Variants in MNAT1 observed in about 807,000 individuals in gnomAD.
The protein encoded by MNAT1 is CDK-activating kinase assembly factor MAT1.
A neutral mutation model predicts 42.0 loss-of-function variants in MNAT1; 43 were observed. That is an observed-to-expected ratio of 1.02 (90% confidence interval 0.80 to 1.32). The LOEUF is 1.32. Ranked by LOEUF, MNAT1 falls within the 40% of genes most tolerant of loss-of-function variation. The probability of loss-of-function intolerance (pLI) is 0.00; values close to 1 mark genes in which losing one functional copy is unlikely to be tolerated. For missense variants in MNAT1, 306 were observed against 350.4 expected, an observed-to-expected ratio of 0.87 and a Z score of 1.01; for synonymous variants, 118 against 120.0, an observed-to-expected ratio of 0.98 and a Z score of 0.11.
chr14:60,772,244 G>A (rs1417407212), intron 1 of MNAT1, among the ~76,000 whole-genome samples: 1 of 152,092 alleles, frequency 6.6e-6, no homozygotes, highest in Admixed American at 6.6e-5. Flanking sequence ...CTGGGCAACG[G>A]AGTGAGACCC....
chr14:60,937,505 GT>G (rs1471442454), intron 7 of MNAT1, among the ~76,000 whole-genome samples: 1 of 152,114 alleles, frequency 6.6e-6, no homozygotes, highest in East Asian at 1.9e-4. Context: ...CCCATTTCTT[GT>G]TTTTGTCAGG....
At chr14:60,796,014 C>G (rs2032006386) in intron 1 of MNAT1, among the ~76,000 whole-genome samples, 2 of 152,142 alleles carry the variant, frequency 1.3e-5, no homozygotes, top group South Asian at 4.1e-4. Flanking sequence ...TAAAACTAAA[C>G]TGGTATCACT....
chr14:60,907,146 A>G, intron 7 of MNAT1, among the ~76,000 whole-genome samples: 1 of 152,182 alleles, frequency 6.6e-6, no homozygotes, highest in Non-Finnish European at 1.5e-5. Flanking sequence ...CAGTGATTAT[A>G]AAGATGAAGA....
intron 7 of MNAT1, among the ~76,000 whole-genome samples, chr14:60,882,169 C>G (rs1372565513): frequency 1.3e-5 from 2 of 151,834 alleles, no homozygotes; most frequent in Admixed American, 1.3e-4. Context: ...AAAACAAAAC[C>G]AAAAACTGGT....
rs529472141 is a variant in MNAT1 at position 60,885,986 on chromosome 14, T to A, written c.809+6151T>A. On this transcript the variant is annotated intron_variant, in intron 7 of 7. Transcript: ENST00000261245. ...CCAGTTTCATTCACTTGTATGTGTA[T>A]AGTTCTCTCAGTGCCATTGACTAAA... 1.7e-3 allele frequency among the ~76,000 whole-genome samples: 255 copies of A among 152,184 alleles called. 1 individual carries two copies. The highest frequency in any genetic ancestry group is 2.6e-3 in the Admixed American group (40 of 15,270).
chr14:60,853,844 A>G (rs2033890292), intron 6 of MNAT1, among the ~76,000 whole-genome samples: 1 of 152,212 alleles, frequency 6.6e-6, no homozygotes, highest in South Asian at 2.1e-4. Flanking sequence ...GTGATTGATT[A>G]CATTTTTTGA....
At chr14:60,878,755 T>C (rs1420022524) in intron 6 of MNAT1, among the ~76,000 whole-genome samples, 1 of 152,106 alleles carries the variant, frequency 6.6e-6, no homozygotes, top group Non-Finnish European at 1.5e-5. Context: ...ATTGCTTTGA[T>C]TGTTTTTGTC....
intron 7 of MNAT1, among the ~76,000 whole-genome samples, chr14:60,959,334 G>A (rs1445081815): frequency 6.6e-6 from 1 of 152,186 alleles, no homozygotes; most frequent in Non-Finnish European, 1.5e-5. Flanking sequence ...TGCAGAGCAG[G>A]CCACTAAGGA....
chr14:60,751,025 A>G (rs1218588270), intron 1 of MNAT1, among the ~76,000 whole-genome samples: 1 of 152,076 alleles, frequency 6.6e-6, no homozygotes, highest in Non-Finnish European at 1.5e-5. Context: ...AAGTTGACAT[A>G]CTTAGTTAAT....
chr14:60,863,293 T>C (rs954829614), intron 6 of MNAT1, among the ~76,000 whole-genome samples: 1 of 152,144 alleles, frequency 6.6e-6, no homozygotes, highest in Non-Finnish European at 1.5e-5. Context: ...TTATATTTTA[T>C]CTAGAGCTGT....
intron 7 of MNAT1, among the ~76,000 whole-genome samples, chr14:60,932,262 T>C (rs1056656901): frequency 1.4e-4 from 22 of 152,024 alleles, no homozygotes; most frequent in African/African-American, 4.3e-4. Flanking sequence ...ATAAAATCAC[T>C]TTTTTAGAGA....
At chr14:60,855,926 C>G (rs553314208) in intron 6 of MNAT1, among the ~76,000 whole-genome samples, 2 of 152,250 alleles carry the variant, frequency 1.3e-5, no homozygotes, top group East Asian at 3.9e-4. Context: ...ACCAATTGCC[C>G]CATCTCTCAT....
intron 6 of MNAT1, among the ~76,000 whole-genome samples, chr14:60,833,760 C>T (rs2033291995): frequency 6.6e-6 from 1 of 152,080 alleles, no homozygotes; most frequent in African/African-American, 2.4e-5. Flanking sequence ...GTACCAGCTC[C>T]CCTTTGTACC....
chr14:60,858,346 T>C (rs1407939654), intron 6 of MNAT1, among the ~76,000 whole-genome samples: 1 of 152,166 alleles, frequency 6.6e-6, no homozygotes, highest in Non-Finnish European at 1.5e-5. Flanking sequence ...CTTTTTTTCA[T>C]GTGTTTGTTG....
chr14:60,776,556 G>T lies in MNAT1; in HGVS notation c.90-19661G>T, dbSNP rs189087597. 2.0e-5 allele frequency among the ~76,000 whole-genome samples: 3 copies of T among 152,222 alleles called. No homozygotes were observed. In the East Asian group the frequency reaches 5.8e-4, roughly 29 times the overall value. On this transcript the variant is annotated intron_variant, in intron 1 of 7. Coordinates refer to ENST00000261245, the MANE Select transcript of MNAT1 (RefSeq NM_002431.4). ...GGAGACCAGACCATATAAGCCAGAT[G>T]CTGAAAACTGTCCTGGGGGGGGAGG...
intron 7 of MNAT1, among the ~76,000 whole-genome samples, chr14:60,891,282 A>G (rs2034837878): frequency 6.6e-6 from 1 of 151,982 alleles, no homozygotes; most frequent in African/African-American, 2.4e-5. Context: ...TTTTTGACAG[A>G]ATCACCTCAA....
chr14:60,912,635 T>C (rs2035398735), intron 7 of MNAT1, among the ~76,000 whole-genome samples: 1 of 152,262 alleles, frequency 6.6e-6, no homozygotes, highest in Non-Finnish European at 1.5e-5. Flanking sequence ...TCTTTAAGAA[T>C]GTTGAATATT....
At chr14:60,743,283 T>G (rs757087844) in intron 1 of MNAT1, among the ~76,000 whole-genome samples, 1 of 150,644 alleles carries the variant, frequency 6.6e-6, no homozygotes, top group East Asian at 1.9e-4. Context: ...TAAAGAACAT[T>G]CTTTAGCATT....
chr14:60,875,762 A>C (rs2034424098), intron 6 of MNAT1, among the ~76,000 whole-genome samples: 1 of 152,010 alleles, frequency 6.6e-6, no homozygotes, highest in Non-Finnish European at 1.5e-5. Context: ...TATTGTTGCT[A>C]ATGTTTAGGT....
Sources: allele counts gnomAD v4.1 joint callset (sites outside exome capture counted in the v4.1 genomes callset), GRCh38; gene constraint gnomAD v4.1.1; transcripts MANE v1.5; gene names NCBI Gene and HGNC (gene_info 2026-07-23, HGNC 2026-07-21).